TBC1D5: variants seen among roughly 807,000 people sequenced by gnomAD.
TBC1D5 encodes TBC1 domain family member 5, also known as TBC1 domain family, member 5.
In TBC1D5, 75 loss-of-function variants were observed where a neutral mutation model predicts 100.3. The observed-to-expected ratio is 0.75, with a 90% confidence interval of 0.62 to 0.91. The LOEUF is 0.91. TBC1D5 is among the 40% of genes least tolerant of loss of function. The probability of loss-of-function intolerance (pLI) is 0.00; values close to 1 mark genes in which losing one functional copy is unlikely to be tolerated. For synonymous variants in TBC1D5, 323 were observed against 325.6 expected (o/e 0.99, Z 0.09); for missense variants, 910 against 942.4 (o/e 0.97, Z 0.45).
intron 1 of TBC1D5, among the ~76,000 whole-genome samples, chr3:17,679,654 T>C (rs554948377): frequency 2.0e-5 from 3 of 151,562 alleles, no homozygotes; most frequent in Non-Finnish European, 4.4e-5. Context: ...GTGGAAAGAA[T>C]ATGTGAAGTA....
intron 13 of TBC1D5, among the ~76,000 whole-genome samples, chr3:17,318,262 G>A (rs887969811): frequency 6.6e-6 from 1 of 150,798 alleles, no homozygotes; most frequent in Admixed American, 6.6e-5. Context: ...AGCTTTAGGA[G>A]ATATACCTAA....
At chr3:17,440,730 C>T (rs191664295) in intron 3 of TBC1D5, among the ~76,000 whole-genome samples, 224 of 152,268 alleles carry the variant, frequency 1.5e-3, no homozygotes, top group African/African-American at 5.2e-3. Flanking sequence ...CAACCTCTGC[C>T]TCCTGGGTTC....
In TBC1D5 at chr3:17,544,014, C is replaced by T. The variant is rs140204164; in HGVS notation, c.-35-35409G>A. Among the ~76,000 whole-genome samples the T allele has an allele frequency of 1.7e-4, 26 of 152,014 alleles. 1 individual carries two copies. The East Asian group carries it at 3.5e-3, about 20-fold the overall frequency. ...TCCCGAGTAGCTAAGACTATAGGCA[C>T]GCACCACCATGCCCAGCTAATTTTT... On this transcript the variant is annotated intron_variant, in intron 2 of 21. Coordinates refer to ENST00000253692, the Ensembl canonical transcript of TBC1D5.
intron 2 of TBC1D5, among the ~76,000 whole-genome samples, chr3:17,509,695 T>C (rs570382683): frequency 6.6e-6 from 1 of 152,150 alleles, no homozygotes; most frequent in African/African-American, 2.4e-5. Context: ...TACACATATT[T>C]TTCTCAAAGT....
chr3:17,243,085 T>C (rs939427523), intron 16 of TBC1D5, among the ~76,000 whole-genome samples: 3 of 152,134 alleles, frequency 2.0e-5, no homozygotes, highest in Admixed American at 6.6e-5. Context: ...TTACTGGTGA[T>C]TATATGTGTC....
chr3:17,379,933 T>C (rs1485405952), intron 9 of TBC1D5, among the ~76,000 whole-genome samples: 1 of 151,976 alleles, frequency 6.6e-6, no homozygotes, highest in Non-Finnish European at 1.5e-5. Context: ...TTTTGAATGA[T>C]GGTTGACTGC....
chr3:17,577,944 CA>C (rs1187441264), intron 2 of TBC1D5, among the ~76,000 whole-genome samples: 2 of 151,946 alleles, frequency 1.3e-5, no homozygotes, highest in Non-Finnish European at 2.9e-5. Flanking sequence ...TTCTGATTAG[CA>C]AGGTGATTTA....
At chr3:17,361,532 C>T (rs2091708987) in intron 13 of TBC1D5, among the ~76,000 whole-genome samples, 1 of 151,846 alleles carries the variant, frequency 6.6e-6, no homozygotes, top group Non-Finnish European at 1.5e-5. Context: ...TAAAAACAGG[C>T]TTAAAAATCA....
rs1354912118 is a variant in TBC1D5 at position 17,683,854 on chromosome 3, TGC to T, written c.-101+55487_-101+55488del. Among the ~76,000 whole-genome samples, 3 of 152,290 alleles carry T rather than the reference TGC, an allele frequency of 2.0e-5. No individual in the cohort carries two copies. In the East Asian group the frequency reaches 5.8e-4, roughly 29 times the overall value. On this transcript the variant is annotated intron_variant, in intron 1 of 21. Coordinates refer to ENST00000253692, the Ensembl canonical transcript of TBC1D5. ...GTATCTGCACATAAGAAATCAACAATGCTAAGTATTATTATAAAAGTCTACAT... is the reference window on the plus strand; with the variant it reads ...GTATCTGCACATAAGAAATCAACAATTAAGTATTATTATAAAAGTCTACAT...
chr3:17,350,877 T>C (rs966930212), intron 13 of TBC1D5, among the ~76,000 whole-genome samples: 4 of 152,178 alleles, frequency 2.6e-5, no homozygotes, highest in African/African-American at 9.7e-5. Context: ...TCATTTACTT[T>C]CAGATACAAT....
At chr3:17,622,065 G>C (rs1359729198) in intron 2 of TBC1D5, among the ~76,000 whole-genome samples, 1 of 152,138 alleles carries the variant, frequency 6.6e-6, no homozygotes, top group Non-Finnish European at 1.5e-5. Context: ...CCAGGGACTG[G>C]CTTTGTGAAA....
At chr3:17,549,440 A>C (rs2096452644) in intron 2 of TBC1D5, among the ~76,000 whole-genome samples, 1 of 152,190 alleles carries the variant, frequency 6.6e-6, no homozygotes, top group African/African-American at 2.4e-5. Context: ...TTAAAAGTAA[A>C]GATATCTAAA....
chr3:17,633,717 C>T (rs1038006826), intron 1 of TBC1D5, among the ~76,000 whole-genome samples: 5 of 151,840 alleles, frequency 3.3e-5, no homozygotes, highest in Non-Finnish European at 5.9e-5. Flanking sequence ...AATATAAATG[C>T]TTTTTTAAAA....
chr3:17,541,196 CAA>C (rs201255674), intron 2 of TBC1D5, among the ~76,000 whole-genome samples: 20 of 109,556 alleles, frequency 1.8e-4, no homozygotes, highest in South Asian at 3.0e-4. Context: ...CTATTTCTTC[CAA>C]AAAAAAAAAA....
At chr3:17,201,420 C>T (rs2071447113) in intron 18 of TBC1D5, among the ~76,000 whole-genome samples, 1 of 152,136 alleles carries the variant, frequency 6.6e-6, no homozygotes, top group Non-Finnish European at 1.5e-5. Flanking sequence ...GTATTAATTT[C>T]TGACACATGG....
At chr3:17,709,900 C>T (rs780984379) in intron 1 of TBC1D5, among the ~76,000 whole-genome samples, 18 of 152,042 alleles carry the variant, frequency 1.2e-4, no homozygotes, top group Non-Finnish European at 1.5e-4. Context: ...ACTCCTTCCC[C>T]ACCTCTCACC....
chr3:17,483,920 T>C (rs867897807), intron 3 of TBC1D5, among the ~76,000 whole-genome samples: 1 of 152,338 alleles, frequency 6.6e-6, no homozygotes, highest in South Asian at 2.1e-4. Flanking sequence ...TATTTAGTTC[T>C]TAAAATTGGC....
chr3:17,567,836 T>C (rs2096602710), intron 2 of TBC1D5, among the ~76,000 whole-genome samples: 1 of 151,660 alleles, frequency 6.6e-6, no homozygotes, highest in Non-Finnish European at 1.5e-5. Context: ...CAATTAGAAA[T>C]TGTTCTAAAT....
exon 22 of TBC1D5, chr3:17,160,854 G>A (rs2065958674): frequency 1.2e-5 from 16 of 1,361,438 alleles, no homozygotes; most frequent in South Asian, 3.0e-5. Context: ...AATGCATGCC[G>A]GGAAGGAAGC....
Sources: allele counts gnomAD v4.1 joint callset (sites outside exome capture counted in the v4.1 genomes callset), GRCh38; gene constraint gnomAD v4.1.1; transcripts MANE v1.5; gene names NCBI Gene and HGNC (gene_info 2026-07-23, HGNC 2026-07-21).